The following PPP2R3A variants were observed in gnomAD, a reference collection of about 807,000 sequenced individuals.
PPP2R3A encodes protein phosphatase 2 regulatory subunit B''alpha, also known as serine/threonine-protein phosphatase 2A regulatory subunit B'' subunit alpha.
PPP2R3A carries 80 observed loss-of-function variants against 106.9 expected under a neutral mutation model. The observed-to-expected ratio is 0.75, with a 90% CI of 0.62 to 0.90. The LOEUF (loss-of-function observed/expected upper bound fraction) is 0.90, where lower values mean the gene tolerates loss of function less well. PPP2R3A is among the 40% of genes least tolerant of loss of function. The pLI, the probability that PPP2R3A is intolerant of heterozygous loss-of-function variation, is 0.00. For missense variants in PPP2R3A, 1,386 were observed against 1,350.4 expected (o/e 1.03, Z -0.41); for synonymous variants, 483 against 468.3 (o/e 1.03, Z -0.41).
chr3:136,080,925 A>C (rs981127764), intron 7 of PPP2R3A, among the ~76,000 whole-genome samples: 1 of 152,158 alleles, frequency 6.6e-6, no homozygotes, highest in Non-Finnish European at 1.5e-5. Context: ...ATTTTAAAAA[A>C]TAATTTTTTG....
intron 3 of PPP2R3A, among the ~76,000 whole-genome samples, chr3:136,037,663 G>C (rs537638003): frequency 6.6e-6 from 1 of 152,136 alleles, no homozygotes; most frequent in African/African-American, 2.4e-5. Context: ...TCACGTGAAG[G>C]CCAAATGAAA....
chr3:136,034,564 T>G (rs1935019565), intron 3 of PPP2R3A, among the ~76,000 whole-genome samples: 1 of 152,252 alleles, frequency 6.6e-6, no homozygotes, highest in South Asian at 2.1e-4. Flanking sequence ...TTTCAGGTTT[T>G]ATTCCACTGT....
At chr3:136,128,792 A>C (rs1325498198) in intron 13 of PPP2R3A, among the ~76,000 whole-genome samples, 1 of 152,180 alleles carries the variant, frequency 6.6e-6, no homozygotes, top group Non-Finnish European at 1.5e-5. Flanking sequence ...AGCAAATGTA[A>C]AAGAACAGAA....
At chr3:136,098,493 C>T (rs538000577) in intron 10 of PPP2R3A, among the ~76,000 whole-genome samples, 2 of 152,124 alleles carry the variant, frequency 1.3e-5, no homozygotes, top group Non-Finnish European at 2.9e-5. Context: ...TTTCTTTTAA[C>T]CATTAAAGGT....
At chr3:136,139,242 T>A (rs1285634891) in intron 13 of PPP2R3A, among the ~76,000 whole-genome samples, 1 of 152,116 alleles carries the variant, frequency 6.6e-6, no homozygotes, top group Non-Finnish European at 1.5e-5. Flanking sequence ...TATATTTCCA[T>A]CCCAGGAATC....
chr3:136,081,067 C>T (rs555319003), intron 7 of PPP2R3A, among the ~76,000 whole-genome samples: 45 of 152,004 alleles, frequency 3.0e-4, no homozygotes, highest in African/African-American at 1.1e-3. Flanking sequence ...GATCTCGGCT[C>T]ACTGCAACCT....
chr3:136,046,606 G>A (rs929473290), intron 4 of PPP2R3A, among the ~76,000 whole-genome samples: 2 of 152,130 alleles, frequency 1.3e-5, no homozygotes, highest in Non-Finnish European at 2.9e-5. Context: ...TCCATCCAAA[G>A]GACAAAGGAC....
rs181460449 is a variant in PPP2R3A at position 135,979,987 on chromosome 3, A to G, written c.-441+14138A>G. On this transcript the variant is annotated intron_variant, in intron 1 of 13. Transcript: ENST00000264977. ...TCAGGGAACACGTTAGTTCATTCCA[A>G]TTTTAGTAAGTACAGCCGCCATCAT... 7.2e-5 allele frequency among the ~76,000 whole-genome samples: 11 copies of G among 151,976 alleles called. 1 individual carries two copies. Among genetic ancestry groups the G allele is most frequent in the Admixed American group, 2.6e-4 (4 of 15,290 alleles).
At chr3:136,009,420 G>A (rs1227171779) in intron 2 of PPP2R3A, among the ~76,000 whole-genome samples, 1 of 151,980 alleles carries the variant, frequency 6.6e-6, no homozygotes, top group South Asian at 2.1e-4. Context: ...TTATCTCCTG[G>A]CTTTATGACA....
chr3:136,026,790 T>G (rs1207318686), intron 2 of PPP2R3A, 42 bp from the exon 3 acceptor site: 1 of 1,523,292 alleles, frequency 6.6e-7, no homozygotes, highest in African/African-American at 1.4e-5. Flanking sequence ...AAATGAATAC[T>G]GTTTAAATTT....
chr3:136,110,324 A>G (rs971462113), intron 13 of PPP2R3A, among the ~76,000 whole-genome samples: 2 of 152,148 alleles, frequency 1.3e-5, no homozygotes, highest in Non-Finnish European at 2.9e-5. Flanking sequence ...CATATTTACT[A>G]TTTTCAAAGG....
intron 13 of PPP2R3A, among the ~76,000 whole-genome samples, chr3:136,129,110 T>C (rs1268118504): frequency 6.6e-6 from 1 of 150,638 alleles, no homozygotes; most frequent in Non-Finnish European, 1.5e-5. Context: ...TTAAAAGAAC[T>C]AGAGAAGCAA....
At chr3:136,058,089 T>C (rs4389427) in intron 5 of PPP2R3A, among the ~76,000 whole-genome samples, 3 of 152,208 alleles carry the variant, frequency 2.0e-5, no homozygotes, top group African/African-American at 7.2e-5. Flanking sequence ...GTGAACTAGG[T>C]ATTGAAGGAA....
intron 1 of PPP2R3A, among the ~76,000 whole-genome samples, chr3:135,998,262 A>G (rs771217228): frequency 6.6e-6 from 1 of 152,174 alleles, no homozygotes; most frequent in Admixed American, 6.5e-5. Flanking sequence ...TGATCCTTCA[A>G]AATTATGTAC....
At chr3:136,143,000 T>G (rs776791978) in intron 13 of PPP2R3A, among the ~76,000 whole-genome samples, 22 of 152,182 alleles carry the variant, frequency 1.4e-4, no homozygotes, top group Non-Finnish European at 3.1e-4. Context: ...ATTGCCTCCT[T>G]ATCCAGCACA....
chr3:136,029,061 C>A (rs1268045606), intron 3 of PPP2R3A, among the ~76,000 whole-genome samples: 1 of 152,160 alleles, frequency 6.6e-6, no homozygotes, highest in Admixed American at 6.5e-5. Flanking sequence ...CCATGTTGGT[C>A]AGGCTGGTCT....
intron 10 of PPP2R3A, among the ~76,000 whole-genome samples, chr3:136,096,724 T>A (rs1937224477): frequency 6.6e-6 from 1 of 152,280 alleles, no homozygotes; most frequent in African/African-American, 2.4e-5. Flanking sequence ...AGTAACTTTC[T>A]TCTTGAGTAG....
At chr3:136,017,247 G>A (rs72981481) in intron 2 of PPP2R3A, among the ~76,000 whole-genome samples, 1,565 of 152,208 alleles carry the variant, frequency 0.01, 25 homozygotes, top group African/African-American at 0.037. Flanking sequence ...CAGCTCTTAG[G>A]ATTTTTTCCT....
chr3:136,135,524 T>G (rs982051627), intron 13 of PPP2R3A, among the ~76,000 whole-genome samples: 2 of 152,036 alleles, frequency 1.3e-5, no homozygotes, highest in African/African-American at 4.8e-5. Context: ...CAGACTCAGG[T>G]ATCAGAAAGG....
Sources: allele counts gnomAD v4.1 joint callset (sites outside exome capture counted in the v4.1 genomes callset), GRCh38; gene constraint gnomAD v4.1.1; transcripts MANE v1.5; gene names NCBI Gene and HGNC (gene_info 2026-07-23, HGNC 2026-07-21).